Variants in MAP4K5 observed in about 807,000 individuals in gnomAD.
The protein encoded by MAP4K5 is MAPK/ERK kinase kinase kinase 5.
MAP4K5 carries 82 observed loss-of-function variants against 135.6 expected under a neutral mutation model. The ratio of observed to expected loss-of-function variants is 0.60; its 90% confidence interval spans 0.51 to 0.73. MAP4K5 has a LOEUF of 0.73. MAP4K5 is among the 30% of genes least tolerant of loss of function. The probability of loss-of-function intolerance (pLI) is 0.00; values close to 1 mark genes in which losing one functional copy is unlikely to be tolerated. For synonymous variants in MAP4K5, 347 were observed against 335.0 expected, an observed-to-expected ratio of 1.04 and a Z score of -0.39; for missense variants, 907 against 1,010.9, an observed-to-expected ratio of 0.90 and a Z score of 1.39.
At chr14:50,427,763 A>G (rs578176157) in intron 30 of MAP4K5, among the ~76,000 whole-genome samples, 1 of 152,362 alleles carries the variant, frequency 6.6e-6, no homozygotes, top group Admixed American at 6.5e-5. Context: ...AATAATTTTC[A>G]TCATAAAACC....
chr14:50,436,025 G>T (rs1595432353), intron 26 of MAP4K5, among the ~76,000 whole-genome samples: 1 of 152,096 alleles, frequency 6.6e-6, no homozygotes, highest in Non-Finnish European at 1.5e-5. Flanking sequence ...CACATTTGTG[G>T]TTAAACATTT....
chr14:50,446,018 T>A (rs1481217176), intron 17 of MAP4K5, 61 bp downstream of exon 17: 29 of 1,112,134 alleles, frequency 2.6e-5, no homozygotes, highest in Non-Finnish European at 3.3e-5. Flanking sequence ...AAAATTATTT[T>A]AAAAATTTAA....
At chr14:50,558,439 C>T (rs1292287519) in intron 1 of MAP4K5, among the ~76,000 whole-genome samples, 1 of 152,140 alleles carries the variant, frequency 6.6e-6, no homozygotes, top group South Asian at 2.1e-4. Context: ...AGGCAAGGAT[C>T]AATGGATGCT....
At chr14:50,507,736 T>C (rs763050041) in intron 2 of MAP4K5, among the ~76,000 whole-genome samples, 43 of 152,184 alleles carry the variant, frequency 2.8e-4, no homozygotes, top group Non-Finnish European at 5.4e-4. Context: ...TTTCTGTACT[T>C]TTGCATTTGC....
intron 28 of MAP4K5, among the ~76,000 whole-genome samples, chr14:50,433,012 T>C (rs1005826040): frequency 2.0e-5 from 3 of 152,068 alleles, no homozygotes; most frequent in African/African-American, 7.2e-5. Context: ...TAAGTTTGTA[T>C]TTTTAGTACA....
At chr14:50,530,612 A>G (rs1419179840) in intron 2 of MAP4K5, among the ~76,000 whole-genome samples, 2 of 152,238 alleles carry the variant, frequency 1.3e-5, no homozygotes, top group East Asian at 3.8e-4. Flanking sequence ...CAACTAAGTT[A>G]ACTACCTCTA....
chr14:50,523,244 G>C (rs1282136679), intron 2 of MAP4K5, among the ~76,000 whole-genome samples: 1 of 152,144 alleles, frequency 6.6e-6, no homozygotes, highest in East Asian at 1.9e-4. Flanking sequence ...CTGGGAGGTG[G>C]AGGTTGCGGT....
At chr14:50,442,871 C>A in intron 20 of MAP4K5, 55 bp from the exon 21 acceptor site, 1 of 1,031,526 alleles carries the variant, frequency 9.7e-7, no homozygotes, top group South Asian at 1.5e-5. Flanking sequence ...TTTATATATT[C>A]TTGGAAAATA....
At chr14:50,470,293 A>G (rs2036928399) in intron 9 of MAP4K5, among the ~76,000 whole-genome samples, 1 of 152,192 alleles carries the variant, frequency 6.6e-6, no homozygotes, top group Non-Finnish European at 1.5e-5. Flanking sequence ...GGAGGGCTTA[A>G]GATAAACACA....
At position 50,466,611 on chromosome 14, in the gene MAP4K5, G is replaced by T; in HGVS notation, c.709C>A (p.Pro237Thr). The T allele has an allele frequency of 6.8e-7, 1 of 1,464,610 alleles. No individual in the cohort carries two copies. Among genetic ancestry groups the T allele is most frequent in the Non-Finnish European group, 9.4e-7 (1 of 1,069,056 alleles). The allele number at this position is 1,464,610 out of a possible 1,614,324, so 90.7% of individuals were successfully genotyped here. The change falls in exon 11 of 33, where the codon CCT becomes ACT. Residue 237 changes from proline to threonine, a missense_variant. By Grantham distance (38) the Pro-to-Thr change is conservative (BLOSUM62 -1). This residue lies in a region of MAP4K5 where 690 missense variants were observed against 777.4 expected (regional missense o/e 0.89). Transcript: ENST00000682126. ...TTTGTTTTGTCCTTTAGTTTTGGAG[G>T]CTGAAAATTACTTTTTGACATTAAG... is the stretch of plus-strand genomic sequence containing the variant. Reference protein sequence around the residue: ...LFLMSKSNFQPPKLKDKTKWS... With the variant: ...LFLMSKSNFQTPKLKDKTKWS...
chr14:50,513,864 T>C (rs566261850), intron 2 of MAP4K5, among the ~76,000 whole-genome samples: 1 of 152,294 alleles, frequency 6.6e-6, no homozygotes, highest in East Asian at 1.9e-4. Flanking sequence ...CTATCTCCAG[T>C]GGCCAGTGAC....
intron 13 of MAP4K5, among the ~76,000 whole-genome samples, chr14:50,457,949 ACT>A (rs1284229311): frequency 2.0e-5 from 3 of 152,146 alleles, no homozygotes; most frequent in Admixed American, 6.6e-5. Flanking sequence ...TCCTGGATAA[ACT>A]CAACTGGTTA....
chr14:50,432,911 C>G (rs540895652), intron 28 of MAP4K5, among the ~76,000 whole-genome samples: 1 of 152,228 alleles, frequency 6.6e-6, no homozygotes, highest in Admixed American at 6.5e-5. Context: ...GATCTTGGCT[C>G]ACTGCAACCT....
intron 2 of MAP4K5, among the ~76,000 whole-genome samples, chr14:50,520,369 C>T (rs1181120041): frequency 6.6e-6 from 1 of 152,092 alleles, no homozygotes; most frequent in East Asian, 1.9e-4. Context: ...GGCATGGCAG[C>T]GTGCGCCTGT....
intron 23 of MAP4K5, among the ~76,000 whole-genome samples, chr14:50,439,766 T>C (rs552775650): frequency 3.3e-5 from 5 of 152,194 alleles, no homozygotes; most frequent in Admixed American, 2.0e-4. Context: ...CCTCTAGTGA[T>C]AAGCACTGTG....
intron 31 of MAP4K5, among the ~76,000 whole-genome samples, chr14:50,424,222 G>A (rs1325935766): frequency 6.6e-6 from 1 of 151,240 alleles, no homozygotes; most frequent in African/African-American, 2.4e-5. Context: ...TGGGAAAATA[G>A]AATTAATAAG....
At position 50,468,910 on chromosome 14, in the gene MAP4K5, C is replaced by G; in HGVS notation, c.543-128G>C. The G allele has an allele frequency of 4.1e-6, 3 of 733,710 alleles. No individual in the cohort carries two copies. The South Asian group carries it at 5.7e-5, about 14-fold the overall frequency. 45.4% of individuals were successfully genotyped at this position (733,710 alleles called of 1,614,324 possible). A position where few individuals can be genotyped will look rare whatever the true frequency, so the allele number is the denominator to read the frequency against. On this transcript the variant is annotated intron_variant, in intron 9 of 32. Transcript: ENST00000682126. ...GAGGTGTTTACTAGGAAAGAAGAAA[C>G]ATTACTAAGTAAAGGCTTAAATCTC... is the stretch of plus-strand genomic sequence containing the variant.
At chr14:50,465,397 G>A (rs181043889) in intron 11 of MAP4K5, among the ~76,000 whole-genome samples, 1 of 152,122 alleles carries the variant, frequency 6.6e-6, no homozygotes, top group Non-Finnish European at 1.5e-5. Flanking sequence ...GTATGGGGAA[G>A]ACATTACCAG....
At chr14:50,542,213 T>C (rs1435433714) in intron 2 of MAP4K5, among the ~76,000 whole-genome samples, 1 of 134,918 alleles carries the variant, frequency 7.4e-6, no homozygotes, top group African/African-American at 2.8e-5. Context: ...TTCTCACTCA[T>C]AAGTGAGAGT....
Sources: gnomAD v4.1 joint callset for allele counts (sites outside exome capture counted in the v4.1 genomes callset) on GRCh38, gnomAD v4.1.1 for gene constraint, gnomAD v4.1.1 regional missense constraint, MANE v1.5 for transcripts, NCBI Gene and HGNC (gene_info 2026-07-23, HGNC 2026-07-21) for gene names.